The following RBFOX1 variants were observed in gnomAD, a reference collection of about 807,000 sequenced individuals.
RBFOX1 encodes the protein RNA binding protein fox-1 homolog 1.
In RBFOX1, 8 loss-of-function variants were observed where a neutral mutation model predicts 57.7. The ratio of observed to expected loss-of-function variants is 0.14; its 90% CI spans 0.08 to 0.25. The LOEUF (loss-of-function observed/expected upper bound fraction) is 0.25. Ranked by LOEUF, RBFOX1 falls within the 10% of genes least tolerant of loss-of-function variation. RBFOX1 has a pLI of 1.00. For synonymous variants in RBFOX1, 326 were observed against 222.4 expected, an observed-to-expected ratio of 1.47 and a Z score of -4.15; for missense variants, 611 against 548.5, an observed-to-expected ratio of 1.11 and a Z score of -1.14.
At chr16:7,502,095 C>CTT (rs35941951) in intron 4 of RBFOX1, among the ~76,000 whole-genome samples, 3 of 149,696 alleles carry the variant, frequency 2.0e-5, no homozygotes, top group South Asian at 2.1e-4. Flanking sequence ...TTATGACAGC[C>CTT]TTTTTTTTTT....
At chr16:7,203,459 G>C (rs1198726471) in intron 4 of RBFOX1, among the ~76,000 whole-genome samples, 1 of 152,182 alleles carries the variant, frequency 6.6e-6, no homozygotes, top group Non-Finnish European at 1.5e-5. Flanking sequence ...GGAGGTTATG[G>C]TGGTGATGGT....
intron 1 of RBFOX1, among the ~76,000 whole-genome samples, chr16:6,063,860 T>A (rs999900960): frequency 6.6e-6 from 1 of 152,164 alleles, no homozygotes; most frequent in Non-Finnish European, 1.5e-5. Flanking sequence ...AAGTTGTCTG[T>A]CTTTATATCC....
intron 2 of RBFOX1, among the ~76,000 whole-genome samples, chr16:5,558,298 C>G (rs768573239): frequency 6.6e-5 from 10 of 152,178 alleles, no homozygotes; most frequent in Admixed American, 1.3e-4. Flanking sequence ...TAACACACGC[C>G]TACTGGGCTT....
intron 4 of RBFOX1, among the ~76,000 whole-genome samples, chr16:5,903,192 A>G (rs2058351867): frequency 6.6e-6 from 1 of 152,114 alleles, no homozygotes; most frequent in Non-Finnish European, 1.5e-5. Flanking sequence ...ATGTAAACCC[A>G]TGCAGTGTTT....
chr16:6,161,306 T>G (rs1243202829), intron 1 of RBFOX1, among the ~76,000 whole-genome samples: 1 of 151,696 alleles, frequency 6.6e-6, no homozygotes, highest in Admixed American at 6.6e-5. Context: ...GGAGAATCGC[T>G]TGAGCCTGGG....
At chr16:7,485,245 C>G (rs976028919) in intron 4 of RBFOX1, among the ~76,000 whole-genome samples, 1 of 152,182 alleles carries the variant, frequency 6.6e-6, no homozygotes, top group African/African-American at 2.4e-5. Context: ...TATGCATGCA[C>G]ACACAGCTGC....
At chr16:7,693,415 CCTTT>C (rs749052717) in intron 14 of RBFOX1, 4 of 973,524 alleles carry the variant, frequency 4.1e-6, no homozygotes, top group South Asian at 2.3e-5. Context: ...GTCTCAGTAT[CCTTT>C]TTTTTTTTTT....
intron 5 of RBFOX1, among the ~76,000 whole-genome samples, chr16:7,568,466 A>T (rs2092374450): frequency 6.6e-6 from 1 of 151,906 alleles, no homozygotes; most frequent in South Asian, 2.1e-4. Context: ...AGTGAGGATG[A>T]CCAGAGGTCA....
At chr16:5,261,794 C>T (rs2062740681) in intron 1 of RBFOX1, among the ~76,000 whole-genome samples, 1 of 152,150 alleles carries the variant, frequency 6.6e-6, no homozygotes, top group Non-Finnish European at 1.5e-5. Context: ...TCGTGATCCG[C>T]TGGCCTGGGC....
chr16:6,831,990 C>G (rs186129750), intron 3 of RBFOX1, among the ~76,000 whole-genome samples: 1 of 152,120 alleles, frequency 6.6e-6, no homozygotes, highest in Non-Finnish European at 1.5e-5. Flanking sequence ...GGGAATATAC[C>G]GAATGGTATC....
At chr16:7,378,475 C>T (rs1346715799) in intron 4 of RBFOX1, among the ~76,000 whole-genome samples, 2 of 152,182 alleles carry the variant, frequency 1.3e-5, no homozygotes, top group Admixed American at 6.5e-5. Flanking sequence ...GCCTTCTGAG[C>T]CGGCTGGTAC....
At chr16:6,850,973 C>T (rs575269871) in intron 3 of RBFOX1, among the ~76,000 whole-genome samples, 1 of 152,106 alleles carries the variant, frequency 6.6e-6, no homozygotes, top group African/African-American at 2.4e-5. Flanking sequence ...TGTAAATAGC[C>T]CGTATGTTTT....
At chr16:6,355,576 A>G (rs1377698852) in intron 2 of RBFOX1, among the ~76,000 whole-genome samples, 1 of 152,180 alleles carries the variant, frequency 6.6e-6, no homozygotes, top group East Asian at 1.9e-4. Flanking sequence ...GCTATTGTGA[A>G]TAGTGACACA....
chr16:5,447,378 A>ATCAATCTCTC (rs143837516), intron 1 of RBFOX1, among the ~76,000 whole-genome samples: 1 of 134,360 alleles, frequency 7.4e-6, no homozygotes, highest in South Asian at 2.5e-4. Context: ...CAATCAATCA[A>ATCAATCTCTC]TCTCTCTCTC....
chr16:7,586,163 T>C (rs1299595262), intron 6 of RBFOX1, among the ~76,000 whole-genome samples: 1 of 152,256 alleles, frequency 6.6e-6, no homozygotes, highest in Non-Finnish European at 1.5e-5. Context: ...TGCATGGAGA[T>C]AAAATTCCCA....
intron 1 of RBFOX1, among the ~76,000 whole-genome samples, chr16:6,163,567 G>C (rs1336868233): frequency 6.6e-6 from 1 of 152,006 alleles, no homozygotes; most frequent in Non-Finnish European, 1.5e-5. Context: ...ATTGACAGTG[G>C]GATTTTCATG....
intron 1 of RBFOX1, among the ~76,000 whole-genome samples, chr16:6,256,313 G>A (rs1190720987): frequency 2.1e-5 from 3 of 140,254 alleles, no homozygotes; most frequent in Non-Finnish European, 3.0e-5. Context: ...ATATATATAT[G>A]TATATATATA....
chr16:5,909,084 GCCC>G (rs372146600), intron 4 of RBFOX1, among the ~76,000 whole-genome samples: 3 of 132,498 alleles, frequency 2.3e-5, no homozygotes, highest in African/African-American at 9.3e-5. Flanking sequence ...AACAGACTAA[GCCC>G]CCCTTTTTTT....
chr16:5,629,336 A>G (rs558736187), intron 3 of RBFOX1, among the ~76,000 whole-genome samples: 1 of 152,320 alleles, frequency 6.6e-6, no homozygotes, highest in East Asian at 1.9e-4. Flanking sequence ...TGGATACAGC[A>G]GCTAACAAGA....
Sources: allele counts gnomAD v4.1 joint callset (sites outside exome capture counted in the v4.1 genomes callset), GRCh38; gene constraint gnomAD v4.1.1; transcripts MANE v1.5; gene names NCBI Gene and HGNC (gene_info 2026-07-23, HGNC 2026-07-21).